Variants in SOS1 observed in about 807,000 individuals in gnomAD.
SOS1 encodes the protein SOS Ras/Rac guanine nucleotide exchange factor 1.
In SOS1, 25 loss-of-function variants were observed where a neutral mutation model predicts 157.6. The observed-to-expected ratio is 0.16, with a 90% CI of 0.12 to 0.22. The LOEUF (loss-of-function observed/expected upper bound fraction) is 0.22, where lower values mean the gene tolerates loss of function less well. Among genes scored for constraint, SOS1 ranks in the 10% least tolerant of loss-of-function variants. The probability of loss-of-function intolerance (pLI) is 1.00; values close to 1 mark genes in which losing one functional copy is unlikely to be tolerated. For synonymous variants in SOS1, 528 were observed against 534.0 expected (o/e 0.99, Z 0.16); for missense variants, 1,237 against 1,599.1 (o/e 0.77, Z 3.86).
At chr2:39,050,407 CACA>C (rs1226531493) in intron 6 of SOS1, among the ~76,000 whole-genome samples, 7 of 152,114 alleles carry the variant, frequency 4.6e-5, no homozygotes, top group Non-Finnish European at 8.8e-5. Context: ...ATGCACTTAT[CACA>C]TACTGAGTAA....
At chr2:39,094,187 C>T (rs1672690074) in intron 1 of SOS1, among the ~76,000 whole-genome samples, 1 of 150,606 alleles carries the variant, frequency 6.6e-6, no homozygotes, top group African/African-American at 2.4e-5. Context: ...TTTTTTCTTT[C>T]TTGGAAAACA....
chr2:39,053,706 T>C (rs1671102771), intron 5 of SOS1, among the ~76,000 whole-genome samples: 1 of 152,154 alleles, frequency 6.6e-6, no homozygotes, highest in Non-Finnish European at 1.5e-5. Flanking sequence ...TGTGACCGTC[T>C]CACCTGTTCT....
chr2:39,123,976 G>C (rs1673985628), upstream of SOS1, among the ~76,000 whole-genome samples: 1 of 152,212 alleles, frequency 6.6e-6, no homozygotes, highest in South Asian at 2.1e-4. Flanking sequence ...GCCTGGGCTA[G>C]GCTTGCTTAG....
chr2:38,995,060 T>G lies in SOS1; in HGVS notation c.3346+63A>C, dbSNP rs1668846623. The stretch of plus-strand genomic sequence containing the variant: ...ATACAAAAAAATAACAGAGATTCTT[T>G]TTTACCTCTAGCATGTATAGTACTA... On this transcript the variant is annotated intron_variant, in intron 20 of 22. Coordinates refer to ENST00000402219, the MANE Select transcript of SOS1 (RefSeq NM_005633.4). 7 of 1,400,830 alleles carry G rather than the reference T, an allele frequency of 5.0e-6. No individual in the cohort carries two copies. In the South Asian group the frequency reaches 8.2e-5, roughly 16 times the overall value. The allele number at this position is 1,400,830 out of a possible 1,614,324, so 86.8% of individuals were successfully genotyped here.
chr2:39,000,323 G>A (rs905332878), intron 17 of SOS1, among the ~76,000 whole-genome samples: 12 of 152,048 alleles, frequency 7.9e-5, no homozygotes, highest in South Asian at 2.1e-4. Flanking sequence ...ACATATCCTC[G>A]CTTTCTCCCT....
intron 8 of SOS1, among the ~76,000 whole-genome samples, chr2:39,024,486 T>A (rs7565814): frequency 0.11 from 16,353 of 151,732 alleles, 2,975 homozygotes; most frequent in African/African-American, 0.37. Context: ...AGACGAGGTT[T>A]TTTTTTTTTT....
intron 1 of SOS1, among the ~76,000 whole-genome samples, chr2:39,094,847 C>A (rs55890805): frequency 0.073 from 11,134 of 152,118 alleles, 1,475 homozygotes; most frequent in African/African-American, 0.26. Flanking sequence ...CATACAGCCT[C>A]TTTATAAGGA....
At chr2:39,059,198 A>AT in intron 2 of SOS1, among the ~76,000 whole-genome samples, 1 of 152,162 alleles carries the variant, frequency 6.6e-6, no homozygotes, top group East Asian at 1.9e-4. Context: ...TGGTAATTAC[A>AT]TGCAGCATTT....
rs75061269 is a variant in SOS1 at position 39,047,108 on chromosome 2, A to G, written c.864+4036T>C. On this transcript the variant is annotated intron_variant, in intron 6 of 22. Transcript: ENST00000402219. ...CATTTCTAGCACCTCAGAAATCTTC[A>G]TGTTTCCCAGTCAACCACTACTCTA... Among the ~76,000 whole-genome samples the G allele has an allele frequency of 5.3e-3, 814 of 152,306 alleles. 9 individuals carry two copies. Among genetic ancestry groups the G allele is most frequent in the African/African-American group, 0.019 (780 of 41,566 alleles).
intron 2 of SOS1, among the ~76,000 whole-genome samples, chr2:39,061,419 G>C (rs1378769937): frequency 6.6e-6 from 1 of 151,902 alleles, no homozygotes; most frequent in East Asian, 1.9e-4. Flanking sequence ...ACAGGGTCTC[G>C]ATCTATCACC....
chr2:39,093,578 A>G (rs1195566756), intron 1 of SOS1, among the ~76,000 whole-genome samples: 2 of 152,232 alleles, frequency 1.3e-5, no homozygotes, highest in East Asian at 1.9e-4. Context: ...TATCTAATCT[A>G]TTTGTTAAGA....
chr2:38,987,830 T>A, intron 21 of SOS1: 2 of 451,494 alleles, frequency 4.4e-6, no homozygotes, highest in Non-Finnish European at 4.0e-6. Context: ...TTATTTTGCC[T>A]GAACAAAATA....
intron 1 of SOS1, among the ~76,000 whole-genome samples, chr2:39,110,490 C>T (rs1169641990): frequency 6.6e-6 from 1 of 151,670 alleles, no homozygotes; most frequent in Non-Finnish European, 1.5e-5. Context: ...AAAATCTCTT[C>T]AACAGGCTAC....
intron 6 of SOS1, among the ~76,000 whole-genome samples, chr2:39,040,222 T>C (rs1017216089): frequency 1.3e-5 from 2 of 152,048 alleles, no homozygotes; most frequent in East Asian, 3.9e-4. Context: ...TTTCACCGTG[T>C]TAGCCAGGAT....
chr2:39,119,860 G>C (rs1673799658), intron 1 of SOS1, among the ~76,000 whole-genome samples: 1 of 152,222 alleles, frequency 6.6e-6, no homozygotes, highest in Non-Finnish European at 1.5e-5. Context: ...ACGGCGAGCA[G>C]AGCAGGCCAC....
intron 6 of SOS1, among the ~76,000 whole-genome samples, chr2:39,037,390 T>A (rs1670394279): frequency 6.6e-6 from 1 of 152,180 alleles, no homozygotes; most frequent in Non-Finnish European, 1.5e-5. Flanking sequence ...TACTCAAAAA[T>A]TTTTCAAGAT....
chr2:39,087,593 A>G (rs1364400561), intron 1 of SOS1, among the ~76,000 whole-genome samples: 1 of 152,338 alleles, frequency 6.6e-6, no homozygotes, highest in East Asian at 1.9e-4. Flanking sequence ...CAAAGTCTCA[A>G]GCGTCTCGCC....
intron 1 of SOS1, among the ~76,000 whole-genome samples, chr2:39,069,980 T>C (rs1671742314): frequency 1.3e-5 from 2 of 152,362 alleles, no homozygotes; most frequent in East Asian, 1.9e-4. Flanking sequence ...TGTTTACAAG[T>C]ATCCCTGTTA....
chr2:39,010,637 A>G lies in SOS1; in HGVS notation c.2457T>C (p.Pro819=). The G allele has an allele frequency of 6.2e-7, 1 of 1,607,800 alleles. No individual in the cohort carries two copies. Among genetic ancestry groups the G allele is most frequent in the African/African-American group, 1.3e-5 (1 of 74,960 alleles). ...TATGTCGAATCATTTTCAGAAGATT[A>G]GGAGAGTTAATTTCTTTGTCTTCTT... ...WTKEDKEINS[P]NLLKMIRHTT... is the part of the protein sequence containing the mutation. Residue 819 remains proline, a synonymous_variant, in exon 15 of 23, where the codon CCT becomes CCC. Coordinates refer to ENST00000402219, the MANE Select transcript of SOS1 (RefSeq NM_005633.4).
Sources: gnomAD v4.1 joint callset for allele counts (sites outside exome capture counted in the v4.1 genomes callset) on GRCh38, gnomAD v4.1.1 for gene constraint, MANE v1.5 for transcripts, NCBI Gene and HGNC (gene_info 2026-07-23, HGNC 2026-07-21) for gene names.